The following NAV1 variants were observed in gnomAD, a reference collection of about 807,000 sequenced individuals.
The protein encoded by NAV1 is pore membrane and/or filament interacting like protein 3.
In NAV1, 18 loss-of-function variants were observed where a neutral mutation model predicts 175.2. That is an observed-to-expected ratio of 0.10 (90% CI 0.07 to 0.15). The LOEUF is 0.15. Ranked by LOEUF, NAV1 falls within the 10% of genes least tolerant of loss-of-function variation. NAV1 has a pLI of 1.00. For synonymous variants in NAV1, 897 were observed against 978.7 expected, an observed-to-expected ratio of 0.92 and a Z score of 1.56; for missense variants, 1,731 against 2,436.6, an observed-to-expected ratio of 0.71 and a Z score of 6.10.
chr1:201,774,176 G>A (rs1675780466), intron 3 of NAV1, among the ~76,000 whole-genome samples: 1 of 152,178 alleles, frequency 6.6e-6, no homozygotes, highest in Admixed American at 6.5e-5. Flanking sequence ...AATATAAAGA[G>A]AAATGGGAGG....
intron 13 of NAV1, chr1:201,792,459 G>A (rs1406557493): frequency 6.6e-6 from 1 of 152,386 alleles, no homozygotes; most frequent in Non-Finnish European, 1.5e-5. Context: ...AAGGGTCAAT[G>A]TAGGGAGAGG....
chr1:201,773,372 C>T (rs1181473037), intron 3 of NAV1, among the ~76,000 whole-genome samples: 1 of 152,122 alleles, frequency 6.6e-6, no homozygotes, highest in African/African-American at 2.4e-5. Flanking sequence ...TTTATTTTAT[C>T]ATGTCAGTAA....
intron 2 of NAV1, among the ~76,000 whole-genome samples, chr1:201,631,338 G>A (rs1361343206): frequency 6.6e-6 from 1 of 152,204 alleles, no homozygotes; most frequent in East Asian, 1.9e-4. Flanking sequence ...AAGAGAGGAA[G>A]AGAGGAGGCA....
At chr1:201,630,911 C>T (rs1379425952) in intron 2 of NAV1, among the ~76,000 whole-genome samples, 3 of 152,274 alleles carry the variant, frequency 2.0e-5, no homozygotes, top group Non-Finnish European at 2.9e-5. Context: ...CCTAACCCAG[C>T]GCTCGTTCAC....
intron 1 of NAV1, among the ~76,000 whole-genome samples, chr1:201,559,747 A>G (rs1202663573): frequency 1.3e-5 from 2 of 152,210 alleles, no homozygotes; most frequent in African/African-American, 2.4e-5. Flanking sequence ...TGCTTAATAA[A>G]GGCGGTGTAG....
At chr1:201,665,972 T>G (rs1297175498) in intron 1 of NAV1, among the ~76,000 whole-genome samples, 2 of 152,154 alleles carry the variant, frequency 1.3e-5, no homozygotes, top group Non-Finnish European at 1.5e-5. Context: ...GTACCCATTT[T>G]GATTCCTTGA....
At chr1:201,655,818 A>G (rs1222946769) in intron 1 of NAV1, among the ~76,000 whole-genome samples, 1 of 151,770 alleles carries the variant, frequency 6.6e-6, no homozygotes, top group African/African-American at 2.4e-5. Context: ...CCCGCTTTTC[A>G]CCATGGTGCT....
chr1:201,802,457 TAAA>T (rs34494216), intron 15 of NAV1, among the ~76,000 whole-genome samples: 3 of 101,088 alleles, frequency 3.0e-5, no homozygotes, highest in African/African-American at 4.1e-5. Context: ...CCTGTCTCAT[TAAA>T]AAAAAAAAAA....
chr1:201,626,261 T>G (rs1350119501), intron 1 of NAV1, among the ~76,000 whole-genome samples: 1 of 152,140 alleles, frequency 6.6e-6, no homozygotes, highest in East Asian at 1.9e-4. Context: ...AGACATTGTG[T>G]TTTTGTGGAA....
chr1:201,783,223 G>A (rs1676450217), intron 6 of NAV1, among the ~76,000 whole-genome samples, 183 bp from the exon 11 acceptor site: 1 of 152,140 alleles, frequency 6.6e-6, no homozygotes, highest in African/African-American at 2.4e-5. Flanking sequence ...CCTTATCTAA[G>A]CTGAATGTGC....
chr1:201,749,113 A>G (rs1342929372), intron 3 of NAV1, among the ~76,000 whole-genome samples: 4 of 152,010 alleles, frequency 2.6e-5, no homozygotes, highest in African/African-American at 9.7e-5. Flanking sequence ...ATGCCACTGC[A>G]CTCCAGCCTG....
chr1:201,574,522 A>G (rs543577058), intron 1 of NAV1, among the ~76,000 whole-genome samples: 2 of 152,288 alleles, frequency 1.3e-5, no homozygotes, highest in African/African-American at 4.8e-5. Flanking sequence ...CCTGTGAGCA[A>G]GCAAAGGAAC....
chr1:201,649,987 A>G (rs1340408073), intron 1 of NAV1, among the ~76,000 whole-genome samples: 2 of 149,576 alleles, frequency 1.3e-5, no homozygotes, highest in African/African-American at 4.9e-5. Flanking sequence ...AGAAGCGTCT[A>G]GGGCCGGGGG....
At chr1:201,780,955 A>G in intron 4 of NAV1, 57 bp from the exon 9 acceptor site, 2 of 1,521,736 alleles carry the variant, frequency 1.3e-6, no homozygotes, top group South Asian at 2.6e-5. Context: ...CCTGTCAGCT[A>G]TCCAGTCTCC....
chr1:201,810,043 C>A lies in NAV1; in HGVS notation c.4499C>A (p.Ala1500Glu), dbSNP rs1418228018. 2 of 1,614,060 alleles carry A rather than the reference C, an allele frequency of 1.2e-6. No homozygotes were observed. The highest frequency in any genetic ancestry group is 1.7e-6 in the Non-Finnish European group (2 of 1,180,018). The change falls in exon 23 of 30, where the codon GCA becomes GAA. Residue 1500 changes from alanine to glutamate, a missense_variant. By Grantham distance (107) the Ala-to-Glu change is moderately radical. Around this residue, in one of 13 missense-constraint regions of NAV1, gnomAD observed 36 missense variants for 45.3 expected, o/e 0.80. Coordinates refer to ENST00000367296, the Ensembl canonical transcript of NAV1. This position sits in a 1 kb window ranked among gnomAD's most constrained non-coding sequence, Gnocchi z 6.0. ...AGCCACGTGAAACGAGTGTTGGATG[C>A]AGAGCCCCCCGAGATGCCTCCTTGC...
chr1:201,564,402 G>A (rs1170630597), intron 1 of NAV1, among the ~76,000 whole-genome samples: 4 of 151,894 alleles, frequency 2.6e-5, no homozygotes, highest in Admixed American at 6.6e-5. Context: ...ATCACTTGAG[G>A]TCAGGTGTTC....
chr1:201,788,018 T>C lies in NAV1; in HGVS notation c.2996-450T>C, dbSNP rs1676876837. Among the ~76,000 whole-genome samples the C allele has an allele frequency of 6.6e-6, 1 of 152,202 alleles. No homozygotes were observed. The highest frequency in any genetic ancestry group is 1.5e-5 in the Non-Finnish European group (1 of 68,040). ...GGGATCCCGTAGCCCAGCCCCCTTCTCTAGCTGGTGCTTTTTCATCATTCA... is the reference window on the plus strand; with the variant it reads ...GGGATCCCGTAGCCCAGCCCCCTTCCCTAGCTGGTGCTTTTTCATCATTCA... On this transcript the variant is annotated intron_variant, in intron 9 of 29. Transcript: ENST00000367296. The surrounding 1 kb of genome is among the most constrained non-coding windows in gnomAD (Gnocchi z 5.7).
At chr1:201,794,727 C>T (rs1014833440) in intron 15 of NAV1, 150 bp downstream of exon 19, 11 of 736,540 alleles carry the variant, frequency 1.5e-5, no homozygotes, top group East Asian at 5.5e-5. Flanking sequence ...GATGTCTGGA[C>T]TGGTCAGTGA....
chr1:201,541,275 A>G (rs1174036895), intron 1 of NAV1, among the ~76,000 whole-genome samples: 4 of 152,190 alleles, frequency 2.6e-5, no homozygotes, highest in Non-Finnish European at 1.5e-5. Flanking sequence ...AGAATTGGGG[A>G]GAAAAACTAA....
Sources: gnomAD v4.1 joint callset for allele counts (sites outside exome capture counted in the v4.1 genomes callset) on GRCh38, gnomAD v4.1.1 for gene constraint, gnomAD v4.1.1 regional missense constraint, Gnocchi (gnomAD v3.1) non-coding constraint, MANE v1.5 for transcripts, NCBI Gene and HGNC (gene_info 2026-07-23, HGNC 2026-07-21) for gene names.